The following GLDC variants were observed in gnomAD, a reference collection of about 807,000 sequenced individuals.
The protein encoded by GLDC is glycine decarboxylase.
In GLDC, 104 loss-of-function variants were observed where a neutral mutation model predicts 121.3. The ratio of observed to expected loss-of-function variants is 0.86; its 90% CI spans 0.73 to 1.01. GLDC has a LOEUF of 1.01. Among genes scored for constraint, GLDC ranks in the 50% least tolerant of loss-of-function variants. The pLI, the probability that GLDC is intolerant of heterozygous loss-of-function variation, is 0.00. For missense variants in GLDC, 1,429 were observed against 1,306.6 expected (o/e 1.09, Z -1.44); for synonymous variants, 546 against 480.6 (o/e 1.14, Z -1.78).
intron 15 of GLDC, chr9:6,569,148 G>C (rs1817905586): frequency 6.6e-6 from 1 of 151,844 alleles, no homozygotes; most frequent in Non-Finnish European, 1.5e-5. Context: ...AGGTGTGCAA[G>C]TTCAGGAGCA....
chr9:6,645,615 G>T lies in GLDC; in HGVS notation c.-116C>A. ...GCCCGGCCTGGAGCCCCTTTCGCTGGACAGTCGGCCGGACAGATGGATGGA... is the reference window on the plus strand; with the variant it reads ...GCCCGGCCTGGAGCCCCTTTCGCTGTACAGTCGGCCGGACAGATGGATGGA... On this transcript the variant is annotated 5_prime_UTR_variant, in exon 1 of 25. Coordinates refer to ENST00000321612, the MANE Select transcript of GLDC (RefSeq NM_000170.3). The T allele has an allele frequency of 1.4e-6, 1 of 722,928 alleles. No individual in the cohort carries two copies. The highest frequency in any genetic ancestry group is 1.9e-6 in the Non-Finnish European group (1 of 530,484). The allele number at this position is 722,928 out of a possible 1,614,324, so 44.8% of individuals were successfully genotyped here. A position where few individuals can be genotyped will look rare whatever the true frequency, so the allele number is the denominator to read the frequency against.
At chr9:6,568,161 T>C (rs930974655) in intron 15 of GLDC, among the ~76,000 whole-genome samples, 6 of 152,200 alleles carry the variant, frequency 3.9e-5, no homozygotes, top group Non-Finnish European at 8.8e-5. Flanking sequence ...AAAGACTATA[T>C]GCTAAAGACT....
At chr9:6,595,149 G>T in intron 8 of GLDC, 30 bp from the exon 9 acceptor site, 2 of 1,396,678 alleles carry the variant, frequency 1.4e-6, no homozygotes, top group Non-Finnish European at 2.0e-6. Flanking sequence ...AAAGAATCAC[G>T]TGATGGAGGA....
chr9:6,568,187 G>A (rs1817887728), intron 15 of GLDC, among the ~76,000 whole-genome samples: 1 of 151,936 alleles, frequency 6.6e-6, no homozygotes. Context: ...AGAAATGCTG[G>A]ATTTCTCTCT....
At chr9:6,615,575 T>G (rs1351606006) in intron 3 of GLDC, among the ~76,000 whole-genome samples, 1 of 144,064 alleles carries the variant, frequency 6.9e-6, no homozygotes, top group Non-Finnish European at 1.5e-5. Context: ...GACGGAGACC[T>G]TGTCTTAAAA....
chr9:6,545,216 T>C (rs1343836879), intron 21 of GLDC, among the ~76,000 whole-genome samples: 8 of 152,208 alleles, frequency 5.3e-5, no homozygotes, highest in African/African-American at 1.7e-4. Context: ...GAGAAGTGCA[T>C]TGTGAGATGA....
rs1054610342 is a variant in GLDC at position 6,536,124 on chromosome 9, A to T, written c.2778T>A (p.Ile926=). The T allele has an allele frequency of 1.2e-6, 2 of 1,614,026 alleles. No homozygotes were observed. Among genetic ancestry groups the T allele is most frequent in the African/African-American group, 2.7e-5 (2 of 74,924 alleles). ...LDRFCDAMIS[I]RQEIADIEEG... is the part of the protein sequence containing the mutation. ...CCTCAATGTCAGCAATTTCCTGCCG[A>T]ATGCTGATCATGGCATCACAGAATC... Residue 926 remains isoleucine, a synonymous_variant, in exon 23 of 25, where the codon ATT becomes ATA. Coordinates refer to ENST00000321612, the MANE Select transcript of GLDC (RefSeq NM_000170.3).
At chr9:6,555,635 T>A (rs961777405) in intron 18 of GLDC, among the ~76,000 whole-genome samples, 13 of 151,442 alleles carry the variant, frequency 8.6e-5, no homozygotes, top group East Asian at 3.9e-4. Flanking sequence ...TAAAAAAATT[T>A]AAAAAAATTA....
chr9:6,626,063 G>A lies in GLDC; in HGVS notation c.335-5744C>T, dbSNP rs76399172. 1.7e-4 allele frequency among the ~76,000 whole-genome samples: 26 copies of A among 151,736 alleles called. No homozygotes were observed. In the East Asian group the frequency reaches 3.7e-3, roughly 22 times the overall value. ...GCCTTCAGCAAAAATCTATGCTCTC[G>A]CCCCATAGAGAGGTGCTCAAATGTG... On this transcript the variant is annotated intron_variant, in intron 2 of 24. Transcript: ENST00000321612.
Position 6,554,777 on chromosome 9 carries a change from C to T in GLDC, c.2207G>A (p.Gly736Glu), listed in dbSNP as rs1817585693. The T allele has an allele frequency of 1.9e-6, 3 of 1,610,832 alleles. No individual in the cohort carries two copies. The highest frequency in any genetic ancestry group is 2.5e-6 in the Non-Finnish European group (3 of 1,178,286). The change falls in exon 19 of 25, where the codon GGA becomes GAA. Residue 736 changes from glycine to glutamate, a missense_variant. By Grantham distance (98) the Gly-to-Glu change is moderately conservative. Transcript: ENST00000321612. ...LDGANMNAQV[G>E]ICRPGDFGSD... Reference sequence around the variant, plus strand: ...CCCGAAGTCTCCAGGGCGACAGATTCCCACCTACCACAAAGGCAAGGGCCA... The same window carrying T: ...CCCGAAGTCTCCAGGGCGACAGATTTCCACCTACCACAAAGGCAAGGGCCA...
At chr9:6,612,917 T>C (rs541454523) in intron 3 of GLDC, among the ~76,000 whole-genome samples, 2 of 152,054 alleles carry the variant, frequency 1.3e-5, no homozygotes, top group East Asian at 1.9e-4. Context: ...CAATGAGCCA[T>C]GATCACGCCT....
chr9:6,592,865 A>G lies in GLDC; in HGVS notation c.1387T>C (p.Phe463Leu), dbSNP rs1319956650. 3 of 1,613,512 alleles carry G rather than the reference A, an allele frequency of 1.9e-6. No individual in the cohort carries two copies. The East Asian group carries it at 6.7e-5, about 36-fold the overall frequency. Residue 463 changes from phenylalanine to leucine, a missense_variant, in exon 10 of 25, where the codon TTT becomes CTT. Transcript: ENST00000321612. ...ATTTGACTTACTGTGCCATCCTCAA[A>G]AAGCCGAAAATTGATCTGCCGCTGA... ...AAQRQINFRLFEDGTLGISLD... is the reference protein window; with the variant it reads ...AAQRQINFRLLEDGTLGISLD...
chr9:6,612,722 T>C (rs1388650890), intron 3 of GLDC, among the ~76,000 whole-genome samples: 1 of 151,974 alleles, frequency 6.6e-6, no homozygotes, highest in Non-Finnish European at 1.5e-5. Context: ...ATTAGCTGGG[T>C]GTGGTGGCAC....
chr9:6,619,259 A>C (rs1819031748), intron 3 of GLDC, among the ~76,000 whole-genome samples: 2 of 151,486 alleles, frequency 1.3e-5, no homozygotes, highest in African/African-American at 4.9e-5. Context: ...CCTCTCTCAT[A>C]TCTTTTCTAG....
At chr9:6,608,720 C>T (rs1414496280) in intron 4 of GLDC, among the ~76,000 whole-genome samples, 5 of 151,652 alleles carry the variant, frequency 3.3e-5, no homozygotes, top group South Asian at 4.2e-4. Context: ...TACTCCAGCC[C>T]GGGCGAAAGA....
chr9:6,639,081 A>C (rs1334423186), intron 2 of GLDC: 5 of 682,124 alleles, frequency 7.3e-6, no homozygotes, highest in African/African-American at 5.4e-5. Context: ...ATTAGGCAAC[A>C]AGGTGACAGT....
chr9:6,643,334 A>G (rs4742234), intron 2 of GLDC, among the ~76,000 whole-genome samples: 43,196 of 151,106 alleles, frequency 0.29, 6,479 homozygotes, highest in South Asian at 0.38. Flanking sequence ...AGCAGCCCTC[A>G]GCATAGCCTG....
intron 1 of GLDC, 96 bp downstream of exon 1, chr9:6,645,149 G>C: frequency 7.9e-7 from 1 of 1,269,076 alleles, no homozygotes; most frequent in Non-Finnish European, 1.1e-6. Context: ...ACCACGCGGA[G>C]CGCAGCAGAG....
chr9:6,560,611 A>G (rs1817734674), intron 16 of GLDC, among the ~76,000 whole-genome samples: 1 of 152,238 alleles, frequency 6.6e-6, no homozygotes, highest in Non-Finnish European at 1.5e-5. Context: ...AGGGCAGAAT[A>G]TTGATAAGAA....
Sources: allele counts gnomAD v4.1 joint callset (sites outside exome capture counted in the v4.1 genomes callset), GRCh38; gene constraint gnomAD v4.1.1; transcripts MANE v1.5; gene names NCBI Gene and HGNC (gene_info 2026-07-23, HGNC 2026-07-21).